The following DOCK4 variants were observed in gnomAD, a reference collection of about 807,000 sequenced individuals.
DOCK4 encodes the protein dedicator of cytokinesis 4.
Under a neutral mutation model 268.1 loss-of-function variants are expected in DOCK4, and 97 were observed. The observed-to-expected ratio is 0.36, with a 90% CI of 0.31 to 0.43. DOCK4 has a LOEUF of 0.43. Among genes scored for constraint, DOCK4 ranks in the 20% least tolerant of loss-of-function variants. DOCK4 has a pLI of 1.00. For synonymous variants in DOCK4, 954 were observed against 887.2 expected, an observed-to-expected ratio of 1.08 and a Z score of -1.34; for missense variants, 2,145 against 2,455.7, an observed-to-expected ratio of 0.87 and a Z score of 2.67.
At chr7:112,166,986 T>C (rs1563150499) in intron 1 of DOCK4, among the ~76,000 whole-genome samples, 1 of 152,156 alleles carries the variant, frequency 6.6e-6, no homozygotes, top group African/African-American at 2.4e-5. Context: ...CCACTGTATT[T>C]GTTGGGGCTG....
intron 29 of DOCK4, 117 bp from the exon 30 acceptor site, chr7:111,808,996 A>AT: frequency 5.9e-6 from 7 of 1,179,740 alleles, no homozygotes; most frequent in Non-Finnish European, 8.5e-6. Context: ...TTTTAATTAA[A>AT]GACATTTAAT....
At chr7:111,747,055 T>C (rs919667181) in intron 43 of DOCK4, among the ~76,000 whole-genome samples, 3 of 152,024 alleles carry the variant, frequency 2.0e-5, no homozygotes, top group Non-Finnish European at 4.4e-5. Flanking sequence ...CACACACACA[T>C]TTTTATTATC....
intron 8 of DOCK4, among the ~76,000 whole-genome samples, chr7:111,972,809 C>A (rs999045880): frequency 6.6e-6 from 1 of 151,680 alleles, no homozygotes; most frequent in Non-Finnish European, 1.5e-5. Flanking sequence ...AGTTCTCTGT[C>A]CTTCTATCTT....
chr7:111,981,288 C>A (rs1314868396), intron 7 of DOCK4, among the ~76,000 whole-genome samples: 1 of 152,150 alleles, frequency 6.6e-6, no homozygotes, highest in African/African-American at 2.4e-5. Flanking sequence ...CCCAGCTCTC[C>A]CTGGTGAAAT....
At chr7:112,169,114 T>C (rs560287995) in intron 1 of DOCK4, among the ~76,000 whole-genome samples, 1 of 152,292 alleles carries the variant, frequency 6.6e-6, no homozygotes, top group East Asian at 1.9e-4. Context: ...TGAGCTCTCA[T>C]GAGATCTGGC....
chr7:112,161,229 T>G (rs1275030844), intron 1 of DOCK4, among the ~76,000 whole-genome samples: 1 of 151,976 alleles, frequency 6.6e-6, no homozygotes, highest in Non-Finnish European at 1.5e-5. Flanking sequence ...AAGAAAAGGT[T>G]GAGAAAAAAA....
intron 1 of DOCK4, among the ~76,000 whole-genome samples, chr7:112,011,845 T>C (rs1288035314): frequency 1.3e-5 from 2 of 149,812 alleles, no homozygotes; most frequent in Non-Finnish European, 3.0e-5. Context: ...AAGGTTAAGA[T>C]TTTGGCAACA....
chr7:112,133,204 C>T (rs746231861), intron 1 of DOCK4, among the ~76,000 whole-genome samples: 12 of 152,094 alleles, frequency 7.9e-5, no homozygotes, highest in South Asian at 2.1e-4. Flanking sequence ...TGGGTGCCTG[C>T]GGGAGCTTCT....
chr7:112,127,407 T>G, intron 1 of DOCK4, among the ~76,000 whole-genome samples: 2 of 98,928 alleles, frequency 2.0e-5, no homozygotes, highest in African/African-American at 4.0e-5. Flanking sequence ...CTGGGGACTG[T>G]TGTGGGGTGG....
intron 16 of DOCK4, among the ~76,000 whole-genome samples, chr7:111,889,500 C>T (rs1808117581): frequency 6.6e-6 from 1 of 152,072 alleles, no homozygotes; most frequent in African/African-American, 2.4e-5. Context: ...AAACATACTA[C>T]AGGAAAAGGC....
At chr7:111,811,174 CTA>C (rs1212563751) in intron 28 of DOCK4, among the ~76,000 whole-genome samples, 1 of 151,784 alleles carries the variant, frequency 6.6e-6, no homozygotes, top group African/African-American at 2.4e-5. Flanking sequence ...TATTATGTAA[CTA>C]TTAAAATTCC....
chr7:111,911,933 G>C (rs1193837098), intron 13 of DOCK4, among the ~76,000 whole-genome samples: 4 of 152,130 alleles, frequency 2.6e-5, no homozygotes, highest in African/African-American at 9.7e-5. Flanking sequence ...ACAGTTGCAA[G>C]GGCCACAGAA....
intron 1 of DOCK4, among the ~76,000 whole-genome samples, chr7:112,165,766 A>G (rs1054928548): frequency 1.3e-5 from 2 of 152,180 alleles, no homozygotes; most frequent in Admixed American, 6.6e-5. Flanking sequence ...TGAATAAAAC[A>G]TAAATTCTGT....
Position 112,137,147 on chromosome 7 carries a change from A to G in DOCK4, c.37+68955T>C, listed in dbSNP as rs1431009704. ...TAGATAATTGGTACAAATAACTGCC[A>G]ACCACATTTAAATAATTTTTTTATC... is the stretch of plus-strand genomic sequence containing the variant. On this transcript the variant is annotated intron_variant, in intron 1 of 52. Transcript: ENST00000428084. Among the ~76,000 whole-genome samples, 27 of 152,244 alleles carry G rather than the reference A, an allele frequency of 1.8e-4. 1 individual carries two copies. The highest frequency in any genetic ancestry group is 1.8e-3 in the Admixed American group (27 of 15,294).
At chr7:112,048,807 G>A (rs1247588736) in intron 1 of DOCK4, among the ~76,000 whole-genome samples, 3 of 151,034 alleles carry the variant, frequency 2.0e-5, no homozygotes, top group Admixed American at 6.6e-5. Flanking sequence ...CAGGATACAC[G>A]TGCAGGACAT....
At chr7:111,871,918 A>G (rs1586229161) in intron 20 of DOCK4, 72 bp downstream of exon 20, 4 of 1,250,520 alleles carry the variant, frequency 3.2e-6, no homozygotes, top group Non-Finnish European at 4.4e-6. Context: ...AAATTTTCCT[A>G]TATCGCCTCT....
chr7:112,092,885 A>G (rs1809761504), intron 1 of DOCK4, among the ~76,000 whole-genome samples: 1 of 152,096 alleles, frequency 6.6e-6, no homozygotes, highest in South Asian at 2.1e-4. Flanking sequence ...TCAGGATGTC[A>G]GAAAGGTTTT....
intron 1 of DOCK4, among the ~76,000 whole-genome samples, chr7:112,086,185 G>C (rs1191636427): frequency 6.6e-6 from 1 of 152,032 alleles, no homozygotes; most frequent in Admixed American, 6.6e-5. Flanking sequence ...AAAAATACAT[G>C]AATATATAGT....
chr7:112,156,539 A>G (rs1035530767), intron 1 of DOCK4, among the ~76,000 whole-genome samples: 1 of 152,224 alleles, frequency 6.6e-6, no homozygotes, highest in Non-Finnish European at 1.5e-5. Flanking sequence ...TCTATAATAG[A>G]GACAAACCCA....
Sources: allele counts gnomAD v4.1 joint callset (sites outside exome capture counted in the v4.1 genomes callset), GRCh38; gene constraint gnomAD v4.1.1; transcripts MANE v1.5; gene names NCBI Gene and HGNC (gene_info 2026-07-23, HGNC 2026-07-21).